The following KCNMA1 variants were observed in gnomAD, a reference collection of about 807,000 sequenced individuals.
KCNMA1 encodes potassium calcium-activated channel subfamily M alpha 1, also known as Calcium-activated potassium channel subunit alpha-1.
Under a neutral mutation model 140.0 loss-of-function variants are expected in KCNMA1, and 29 were observed. That is an observed-to-expected ratio of 0.21 (90% CI 0.15 to 0.28). The LOEUF (loss-of-function observed/expected upper bound fraction) is 0.28, where lower values mean the gene tolerates loss of function less well. Ranked by LOEUF, KCNMA1 falls within the 10% of genes least tolerant of loss-of-function variation. The pLI is 1.00. For missense variants in KCNMA1, 880 were observed against 1,602.2 expected (o/e 0.55, Z 7.70); for synonymous variants, 612 against 611.9 (o/e 1.00, Z 0.00).
downstream of KCNMA1, among the ~76,000 whole-genome samples, chr10:76,880,494 T>C (rs1272617919): frequency 1.3e-5 from 2 of 152,166 alleles, no homozygotes; most frequent in African/African-American, 2.4e-5. Context: ...CTTGGTTATG[T>C]AGGATGTTCA....
intron 1 of KCNMA1, among the ~76,000 whole-genome samples, chr10:77,545,948 GC>G (rs766954109): frequency 6.6e-6 from 1 of 151,968 alleles, no homozygotes; most frequent in Admixed American, 6.5e-5. Flanking sequence ...TGAAATCCAA[GC>G]CCCCCAGCCC....
At chr10:77,496,163 A>G (rs1184437031) in intron 1 of KCNMA1, among the ~76,000 whole-genome samples, 1 of 152,048 alleles carries the variant, frequency 6.6e-6, no homozygotes, top group Non-Finnish European at 1.5e-5. Flanking sequence ...CTCCCTTAGC[A>G]GCACCCTGGA....
At chr10:77,455,272 T>C (rs2097740311) in intron 1 of KCNMA1, among the ~76,000 whole-genome samples, 1 of 152,026 alleles carries the variant, frequency 6.6e-6, no homozygotes, top group African/African-American at 2.4e-5. Flanking sequence ...GCTTCTAAAA[T>C]AGAAAAAGTC....
At chr10:77,521,177 T>G (rs1203749034) in intron 1 of KCNMA1, among the ~76,000 whole-genome samples, 1 of 152,108 alleles carries the variant, frequency 6.6e-6, no homozygotes. Flanking sequence ...GCAAAGGCCC[T>G]GAGGTGCATA....
At position 76,973,914 on chromosome 10, in the gene KCNMA1, T is replaced by G. The variant is rs1044474271; in HGVS notation, c.2267-3847A>C. On this transcript the variant is annotated intron_variant, in intron 19 of 27. Transcript: ENST00000286628. ...AATTCAGTCTAATGCCTGCATTAGA[T>G]GGACCTGATGCTCAGCTCTAGCCTG... The G allele has an allele frequency of 2.6e-5, 4 of 152,250 alleles. No individual in the cohort carries two copies. The East Asian group carries it at 7.7e-4, about 29-fold the overall frequency. The allele number at this position is 152,250 out of a possible 1,614,324, so 9.4% of individuals were successfully genotyped here. A position where few individuals can be genotyped will look rare whatever the true frequency, so the allele number is the denominator to read the frequency against.
At chr10:76,893,448 T>G (rs2041084702) in intron 25 of KCNMA1, among the ~76,000 whole-genome samples, 1 of 151,964 alleles carries the variant, frequency 6.6e-6, no homozygotes, top group Non-Finnish European at 1.5e-5. Context: ...AAATGGGAGG[T>G]CAGCCAAGCA....
At chr10:77,395,206 A>G (rs2096002063) in intron 2 of KCNMA1, among the ~76,000 whole-genome samples, 1 of 151,926 alleles carries the variant, frequency 6.6e-6, no homozygotes, top group South Asian at 2.1e-4. Context: ...AAAACATAGC[A>G]TGTCATGGTG....
At chr10:76,956,491 C>T (rs189520127) in intron 20 of KCNMA1, among the ~76,000 whole-genome samples, 49 of 152,230 alleles carry the variant, frequency 3.2e-4, no homozygotes, top group Non-Finnish European at 5.6e-4. Context: ...AAAAACCTCC[C>T]GGAACAAAGA....
intron 2 of KCNMA1, among the ~76,000 whole-genome samples, chr10:77,319,363 A>G (rs1286111086): frequency 6.6e-6 from 1 of 152,200 alleles, no homozygotes; most frequent in East Asian, 1.9e-4. Context: ...TTTAAATCAC[A>G]TATCTCATGG....
At chr10:77,300,569 T>C (rs1454608996) in intron 2 of KCNMA1, among the ~76,000 whole-genome samples, 1 of 152,214 alleles carries the variant, frequency 6.6e-6, no homozygotes, top group African/African-American at 2.4e-5. Flanking sequence ...ACATACTTAA[T>C]AGAGTTTTCT....
chr10:77,506,596 A>AGAGAGAGAGAGAGAGTGTGTGTGTGTGT lies in KCNMA1; in HGVS notation c.379-102574_379-102573insACACACACACACACTCTCTCTCTCTCTC. Among the ~76,000 whole-genome samples, 2 of 83,530 alleles carry AGAGAGAGAGAGAGAGTGTGTGTGTGTGT rather than the reference A, an allele frequency of 2.4e-5. 1 individual carries two copies. Among genetic ancestry groups the AGAGAGAGAGAGAGAGTGTGTGTGTGTGT allele is most frequent in the African/African-American group, 1.5e-4 (2 of 13,374 alleles). 54.8% of individuals were successfully genotyped at this position (83,530 alleles called of 152,430 possible). A position where few individuals can be genotyped will look rare whatever the true frequency, so the allele number is the denominator to read the frequency against. ...TAGAGAGAGAGAGAGAGAGAGAGAG[A>AGAGAGAGAGAGAGAGTGTGTGTGTGTGT]GTGTGTGTGTGTGTGTGTGTGTGTT... is the stretch of plus-strand genomic sequence containing the variant. On this transcript the variant is annotated intron_variant, in intron 1 of 27. Transcript: ENST00000286628.
intron 8 of KCNMA1, among the ~76,000 whole-genome samples, chr10:77,109,897 T>C (rs943961338): frequency 1.3e-5 from 2 of 152,182 alleles, no homozygotes; most frequent in African/African-American, 2.4e-5. Flanking sequence ...CTCTCCCTTA[T>C]TAACAGCATC....
chr10:76,981,875 A>C (rs919722344), intron 19 of KCNMA1, among the ~76,000 whole-genome samples: 1 of 152,286 alleles, frequency 6.6e-6, no homozygotes, highest in Admixed American at 6.5e-5. Flanking sequence ...GTCTCTCACA[A>C]TGCTGGGCCC....
chr10:77,332,240 A>C, intron 2 of KCNMA1, among the ~76,000 whole-genome samples: 1 of 152,110 alleles, frequency 6.6e-6, no homozygotes, highest in East Asian at 1.9e-4. Flanking sequence ...AGGGGATGAG[A>C]GGGAAAAAAA....
chr10:77,255,912 CAAAA>C (rs35233819), intron 2 of KCNMA1, among the ~76,000 whole-genome samples: 5 of 117,456 alleles, frequency 4.3e-5, no homozygotes, highest in Admixed American at 2.6e-4. Context: ...GACTCCATCT[CAAAA>C]AAAAAAAAAA....
intron 23 of KCNMA1, among the ~76,000 whole-genome samples, chr10:76,915,772 G>A (rs996879553): frequency 2.4e-4 from 37 of 152,046 alleles, no homozygotes; most frequent in African/African-American, 8.5e-4. Context: ...ATCTTCCTGG[G>A]GCTTTCAGGA....
At chr10:77,387,132 T>C (rs965518638) in intron 2 of KCNMA1, among the ~76,000 whole-genome samples, 2 of 152,086 alleles carry the variant, frequency 1.3e-5, no homozygotes, top group Non-Finnish European at 2.9e-5. Context: ...AACAGGAAAA[T>C]TGTGCTTGCA....
intron 26 of KCNMA1, 94 bp from the exon 27 acceptor site, chr10:76,889,663 T>C: frequency 9.9e-7 from 1 of 1,013,680 alleles, no homozygotes; most frequent in Non-Finnish European, 1.6e-6. Flanking sequence ...TCAAAGCTTG[T>C]TTTGGTGTCT....
intron 14 of KCNMA1, among the ~76,000 whole-genome samples, chr10:77,046,522 C>T (rs1003626848): frequency 1.3e-5 from 2 of 152,186 alleles, no homozygotes; most frequent in African/African-American, 2.4e-5. Flanking sequence ...ATCCATTCCT[C>T]AACAGCATGC....
Sources: gnomAD v4.1 joint callset for allele counts (sites outside exome capture counted in the v4.1 genomes callset) on GRCh38, gnomAD v4.1.1 for gene constraint, MANE v1.5 for transcripts, NCBI Gene and HGNC (gene_info 2026-07-23, HGNC 2026-07-21) for gene names.